MYO1B: variants seen among roughly 807,000 people sequenced by gnomAD.
The protein encoded by MYO1B is myosin IB, also known as unconventional myosin-Ib.
In MYO1B, 72 loss-of-function variants were observed where a neutral mutation model predicts 159.7. That is an observed-to-expected ratio of 0.45 (90% CI 0.37 to 0.55). The LOEUF is 0.55. Ranked by LOEUF, MYO1B falls within the 20% of genes least tolerant of loss-of-function variation. The pLI is 0.00. For synonymous variants in MYO1B, 468 were observed against 473.8 expected, an observed-to-expected ratio of 0.99 and a Z score of 0.16; for missense variants, 1,062 against 1,364.8, an observed-to-expected ratio of 0.78 and a Z score of 3.50.
At chr2:191,311,893 C>G (rs902478165) in intron 3 of MYO1B, among the ~76,000 whole-genome samples, 1 of 152,142 alleles carries the variant, frequency 6.6e-6, no homozygotes, top group African/African-American at 2.4e-5. Context: ...GGGTGTTGGT[C>G]ATTGTTCCTA....
At chr2:191,275,624 G>A (rs1484927065) in intron 1 of MYO1B, among the ~76,000 whole-genome samples, 1 of 152,130 alleles carries the variant, frequency 6.6e-6, no homozygotes, top group Non-Finnish European at 1.5e-5. Flanking sequence ...ATAGTGTGCC[G>A]AAGTGACTCC....
intron 4 of MYO1B, among the ~76,000 whole-genome samples, chr2:191,331,638 A>C (rs1027226704): frequency 6.6e-6 from 1 of 152,226 alleles, no homozygotes; most frequent in Non-Finnish European, 1.5e-5. Flanking sequence ...ATTATTGAAT[A>C]CCAACTTAGT....
intron 17 of MYO1B, 184 bp downstream of exon 17, chr2:191,387,634 A>G: frequency 1.6e-6 from 1 of 626,792 alleles, no homozygotes; most frequent in Non-Finnish European, 2.8e-6. Flanking sequence ...CCCTAAAATA[A>G]GAAAGTAAAA....
chr2:191,255,322 A>G (rs1416880185), intron 1 of MYO1B, among the ~76,000 whole-genome samples: 1 of 152,206 alleles, frequency 6.6e-6, no homozygotes, highest in Non-Finnish European at 1.5e-5. Context: ...ACACGGATAA[A>G]TATGTATTCG....
In MYO1B at chr2:191,378,645, T is replaced by C. The variant is rs545178057; in HGVS notation, c.1186-2817T>C. Among the ~76,000 whole-genome samples the C allele has an allele frequency of 2.6e-5, 4 of 152,304 alleles. No individual in the cohort carries two copies. The East Asian group carries it at 7.7e-4, about 29-fold the overall frequency. ...TCACTGGGGATACGATGGCTTAGCTTGGGCTCAGAGGCTTGACATTCCTGT... is the reference window on the plus strand; with the variant it reads ...TCACTGGGGATACGATGGCTTAGCTCGGGCTCAGAGGCTTGACATTCCTGT... On this transcript the variant is annotated intron_variant, in intron 13 of 30. Coordinates refer to ENST00000392318, the MANE Select transcript of MYO1B (RefSeq NM_001130158.3).
rs2125811719 is a variant in MYO1B, at chr2:191,295,966, A to AG, written c.136-144dup. The AG allele has an allele frequency of 1.3e-5, 5 of 375,804 alleles. No individual in the cohort carries two copies. The East Asian group carries it at 2.0e-4, about 15-fold the overall frequency. The allele number at this position is 375,804 out of a possible 1,614,324, so 23.3% of individuals were successfully genotyped here. A position where few individuals can be genotyped will look rare whatever the true frequency, so the allele number is the denominator to read the frequency against. ...TGACCATCTGTCTTCAGAGATGCAA[A>AG]GCATTCTTAAAATGTATACAATGAA... is the stretch of plus-strand genomic sequence containing the variant. On this transcript the variant is annotated intron_variant, in intron 2 of 30. Transcript: ENST00000392318.
intron 3 of MYO1B, among the ~76,000 whole-genome samples, chr2:191,322,787 C>T (rs1323938461): frequency 6.6e-6 from 1 of 152,002 alleles, no homozygotes; most frequent in African/African-American, 2.4e-5. Context: ...GGAAAGGGGT[C>T]CCAATCCAGA....
intron 1 of MYO1B, among the ~76,000 whole-genome samples, chr2:191,252,571 A>G (rs1686185144): frequency 6.6e-6 from 1 of 152,132 alleles, no homozygotes; most frequent in African/African-American, 2.4e-5. Context: ...TCAAATTTTC[A>G]ATTTTTGGAA....
Position 191,386,010 on chromosome 2 carries a change from AG to A in MYO1B, c.1481del (p.Ser494ThrfsTer71). ...CCACCAGCATTTTGAGAGCAGGATG[AG>A]CAAGTGCTCTCGGTTCCTCAATGAC... ...ATHQHFESRM[S>X]KCSRFLNDTS... On this transcript the variant is annotated frameshift_variant, in exon 16 of 31. Coordinates refer to ENST00000392318, the MANE Select transcript of MYO1B (RefSeq NM_001130158.3). LOFTEE classifies it high-confidence loss of function. The A allele has an allele frequency of 6.2e-7, 1 of 1,614,168 alleles. No homozygotes were observed. Among genetic ancestry groups the A allele is most frequent in the Non-Finnish European group, 8.5e-7 (1 of 1,180,006 alleles).
At chr2:191,370,397 C>A in intron 13 of MYO1B, 105 bp downstream of exon 13, 3 of 769,218 alleles carry the variant, frequency 3.9e-6, no homozygotes, top group Non-Finnish European at 6.5e-6. Context: ...TTTGAATCTA[C>A]AAATAATCCT....
chr2:191,369,465 AG>A (rs1269635691), intron 11 of MYO1B, 76 bp from the exon 12 acceptor site: 3 of 1,079,988 alleles, frequency 2.8e-6, no homozygotes, highest in Non-Finnish European at 4.1e-6. Flanking sequence ...ATTTTTTAAA[AG>A]TATCTTTATG....
At chr2:191,305,246 A>C (rs1574386469) in intron 3 of MYO1B, among the ~76,000 whole-genome samples, 2 of 152,192 alleles carry the variant, frequency 1.3e-5, no homozygotes, top group Non-Finnish European at 2.9e-5. Flanking sequence ...GTGGCAGGGT[A>C]AGTAGGGCCA....
At chr2:191,326,154 C>T (rs1052407732) in intron 3 of MYO1B, among the ~76,000 whole-genome samples, 6 of 152,138 alleles carry the variant, frequency 3.9e-5, no homozygotes, top group African/African-American at 7.2e-5. Context: ...AATGCTGACA[C>T]GGTCACAAAA....
intron 3 of MYO1B, among the ~76,000 whole-genome samples, chr2:191,307,057 T>A (rs754466617): frequency 5.3e-5 from 8 of 152,198 alleles, no homozygotes; most frequent in Non-Finnish European, 8.8e-5. Context: ...AGCAAGTTTA[T>A]TAAGAAAGTA....
At chr2:191,340,593 C>G (rs951592823) in intron 4 of MYO1B, among the ~76,000 whole-genome samples, 2 of 152,142 alleles carry the variant, frequency 1.3e-5, no homozygotes, top group African/African-American at 4.8e-5. Context: ...ACTAGTGAAG[C>G]CTATTAAGAC....
At chr2:191,357,492 A>G (rs1358556605) in intron 7 of MYO1B, among the ~76,000 whole-genome samples, 1 of 152,244 alleles carries the variant, frequency 6.6e-6, no homozygotes, top group Non-Finnish European at 1.5e-5. Context: ...AATTTATGCT[A>G]AATTTAATAT....
intron 3 of MYO1B, among the ~76,000 whole-genome samples, chr2:191,318,116 C>A (rs1690469215): frequency 6.6e-6 from 1 of 152,122 alleles, no homozygotes; most frequent in Admixed American, 6.6e-5. Flanking sequence ...GTCTCCCAAA[C>A]TTAAAACACA....
intron 1 of MYO1B, chr2:191,263,499 A>T (rs527903491): frequency 7.5e-5 from 14 of 186,278 alleles, no homozygotes; most frequent in Middle Eastern, 2.8e-3. Context: ...TAGAAATGTA[A>T]ATTTTAAGTT....
At chr2:191,251,587 T>TA (rs1299374087) in intron 1 of MYO1B, among the ~76,000 whole-genome samples, 20 of 152,210 alleles carry the variant, frequency 1.3e-4, no homozygotes, top group Non-Finnish European at 1.5e-4. Flanking sequence ...CAAGATGCTT[T>TA]AAGATTGCAC....
Sources: gnomAD v4.1 joint callset for allele counts (sites outside exome capture counted in the v4.1 genomes callset) on GRCh38, gnomAD v4.1.1 for gene constraint, MANE v1.5 for transcripts, NCBI Gene and HGNC (gene_info 2026-07-23, HGNC 2026-07-21) for gene names.